Variants in NOL4 observed in about 807,000 individuals in gnomAD.
The protein encoded by NOL4 is nucleolar protein 4.
NOL4 carries 17 observed loss-of-function variants against 75.9 expected under a neutral mutation model. The observed-to-expected ratio is 0.22, with a 90% CI of 0.15 to 0.34. The LOEUF is 0.34. Ranked by LOEUF, NOL4 falls within the 10% of genes least tolerant of loss-of-function variation. The pLI, the probability that NOL4 is intolerant of heterozygous loss-of-function variation, is 1.00. For synonymous variants in NOL4, 292 were observed against 289.9 expected, an observed-to-expected ratio of 1.01 and a Z score of -0.07; for missense variants, 614 against 793.5, an observed-to-expected ratio of 0.77 and a Z score of 2.72.
chr18:34,131,003 C>T (rs2145910414), intron 1 of NOL4, among the ~76,000 whole-genome samples: 1 of 151,916 alleles, frequency 6.6e-6, no homozygotes, highest in Admixed American at 6.6e-5. Flanking sequence ...GTTAATCTTA[C>T]ATGACTGCAA....
intron 2 of NOL4, among the ~76,000 whole-genome samples, chr18:34,125,755 A>C (rs953331833): frequency 1.3e-5 from 2 of 152,130 alleles, no homozygotes; most frequent in Admixed American, 6.6e-5. Context: ...CATTTTTTTA[A>C]AAAAAGAGAC....
chr18:33,921,958 T>C (rs753697129), intron 9 of NOL4, among the ~76,000 whole-genome samples: 10 of 152,190 alleles, frequency 6.6e-5, no homozygotes, highest in Non-Finnish European at 1.5e-4. Context: ...ATATGTGGCC[T>C]ATACACTTTC....
chr18:34,045,754 C>G (rs181158505), intron 5 of NOL4, among the ~76,000 whole-genome samples: 22 of 152,102 alleles, frequency 1.4e-4, no homozygotes, highest in Admixed American at 6.6e-5. Context: ...ATTTAACAGT[C>G]CTCTAAAGTG....
chr18:33,958,897 C>G (rs1298276520), intron 6 of NOL4, among the ~76,000 whole-genome samples: 1 of 152,008 alleles, frequency 6.6e-6, no homozygotes, highest in Non-Finnish European at 1.5e-5. Flanking sequence ...ATTCTTTAAA[C>G]AGTTATGGAA....
chr18:34,065,861 G>T (rs186242716), intron 5 of NOL4, among the ~76,000 whole-genome samples: 1 of 151,950 alleles, frequency 6.6e-6, no homozygotes, highest in Non-Finnish European at 1.5e-5. Flanking sequence ...CTGTTTCTTT[G>T]GTTTAGTTGA....
At chr18:33,930,667 T>A (rs2067625605) in intron 9 of NOL4, among the ~76,000 whole-genome samples, 1 of 152,188 alleles carries the variant, frequency 6.6e-6, no homozygotes, top group African/African-American at 2.4e-5. Flanking sequence ...TTAAAACTGA[T>A]AAAAGCACAC....
chr18:34,059,883 A>G (rs2077000723), intron 5 of NOL4, among the ~76,000 whole-genome samples: 1 of 152,096 alleles, frequency 6.6e-6, no homozygotes, highest in African/African-American at 2.4e-5. Flanking sequence ...AGAGAAACAG[A>G]CCCAAATGGT....
At chr18:33,931,790 AAGCCTTTTTAGAATTTTCTG>A (rs1202534461) in intron 9 of NOL4, among the ~76,000 whole-genome samples, 3 of 152,068 alleles carry the variant, frequency 2.0e-5, no homozygotes, top group Admixed American at 2.0e-4. Flanking sequence ...TATCAGTTAA[AAGCCTTTTTAGAATTTTCTG>A]AGCCTAAAAC....
chr18:34,064,722 T>C (rs1436306856), intron 5 of NOL4, among the ~76,000 whole-genome samples: 5 of 151,954 alleles, frequency 3.3e-5, no homozygotes, highest in African/African-American at 9.7e-5. Flanking sequence ...ATTATAGCAA[T>C]GTAAGTCAAT....
intron 8 of NOL4, among the ~76,000 whole-genome samples, chr18:33,945,889 G>C (rs1427410762): frequency 6.6e-6 from 1 of 151,626 alleles, no homozygotes; most frequent in Non-Finnish European, 1.5e-5. Flanking sequence ...TGAAACCTAG[G>C]TAGATTAAGT....
At chr18:34,032,792 T>C (rs770938174) in intron 5 of NOL4, among the ~76,000 whole-genome samples, 2 of 152,098 alleles carry the variant, frequency 1.3e-5, no homozygotes, top group Non-Finnish European at 2.9e-5. Flanking sequence ...GGTACACCAC[T>C]CTGGGACCCA....
rs532398470 is a variant in NOL4 at position 33,915,841 on chromosome 18, A to G, written c.1542+27224T>C. 2.6e-5 allele frequency among the ~76,000 whole-genome samples: 4 copies of G among 152,262 alleles called. No individual in the cohort carries two copies. The South Asian group carries it at 8.3e-4, about 32-fold the overall frequency. On this transcript the variant is annotated intron_variant, in intron 9 of 10. Coordinates refer to ENST00000261592, the MANE Select transcript of NOL4 (RefSeq NM_003787.5). ...CTCTCTCCTGGGAACCAGGTAACAA[A>G]GTCAATTCCTCTTTGGTGCTTACTC... is the stretch of plus-strand genomic sequence containing the variant.
Position 33,942,990 on chromosome 18 carries a change from C to T in NOL4, c.1542+75G>A, listed in dbSNP as rs552029363. 3 of 1,011,228 alleles carry T rather than the reference C, an allele frequency of 3.0e-6. No homozygotes were observed. In the African/African-American group the frequency reaches 4.8e-5, roughly 16 times the overall value. The allele number at this position is 1,011,228 out of a possible 1,614,324, so 62.6% of individuals were successfully genotyped here. A position where few individuals can be genotyped will look rare whatever the true frequency, so the allele number is the denominator to read the frequency against. On this transcript the variant is annotated intron_variant, in intron 9 of 10. Transcript: ENST00000261592. The stretch of plus-strand genomic sequence containing the variant: ...TTAAATCCATTCAAGAGCTTTTACT[C>T]TTCAACATAAATCAAATTAAATGAA...
At chr18:34,134,577 AAGT>A (rs537106953) in intron 1 of NOL4, among the ~76,000 whole-genome samples, 394 of 152,058 alleles carry the variant, frequency 2.6e-3, no homozygotes, top group Non-Finnish European at 4.8e-3. Context: ...TCACCTTCCA[AAGT>A]AGAACAATTA....
At chr18:34,130,715 A>G (rs1034255061) in intron 1 of NOL4, among the ~76,000 whole-genome samples, 2 of 152,144 alleles carry the variant, frequency 1.3e-5, no homozygotes, top group African/African-American at 2.4e-5. Flanking sequence ...GAAATGACAT[A>G]TTTAAAGGAT....
At chr18:34,041,966 C>A (rs2076159645) in intron 5 of NOL4, among the ~76,000 whole-genome samples, 1 of 151,920 alleles carries the variant, frequency 6.6e-6, no homozygotes, top group Admixed American at 6.6e-5. Flanking sequence ...AAACAGTTTT[C>A]TGTTGCATGA....
chr18:33,921,363 C>T lies in NOL4; in HGVS notation c.1542+21702G>A, dbSNP rs908084061. Among the ~76,000 whole-genome samples the T allele has an allele frequency of 3.3e-5, 5 of 152,108 alleles. No homozygotes were observed. In the East Asian group the frequency reaches 9.7e-4, roughly 29 times the overall value. ...GGATAGATTTTTCAAGTTAGAAGGA[C>T]ATGAATTGTGGAGGGTGCAAAGAAT... On this transcript the variant is annotated intron_variant, in intron 9 of 10. Coordinates refer to ENST00000261592, the MANE Select transcript of NOL4 (RefSeq NM_003787.5).
intron 10 of NOL4, among the ~76,000 whole-genome samples, chr18:33,878,165 T>C (rs1183087564): frequency 6.6e-6 from 1 of 152,132 alleles, no homozygotes; most frequent in Non-Finnish European, 1.5e-5. Context: ...AGGAAGGACT[T>C]TGGGAGCCCT....
chr18:34,222,825 C>T (rs2037416615), intron 1 of NOL4, 165 bp downstream of exon 1: 1 of 853,964 alleles, frequency 1.2e-6, no homozygotes, highest in Admixed American at 2.7e-5. Flanking sequence ...GGAAAACGCG[C>T]CTGGCTAATG....
Sources: gnomAD v4.1 joint callset for allele counts (sites outside exome capture counted in the v4.1 genomes callset) on GRCh38, gnomAD v4.1.1 for gene constraint, MANE v1.5 for transcripts, NCBI Gene and HGNC (gene_info 2026-07-23, HGNC 2026-07-21) for gene names.